Variants in ZNF560 observed in about 807,000 individuals in gnomAD.
ZNF560 encodes zinc finger protein 560.
Under a neutral mutation model 81.8 loss-of-function variants are expected in ZNF560, and 54 were observed. The ratio of observed to expected loss-of-function variants is 0.66; its 90% CI spans 0.53 to 0.83. The LOEUF (loss-of-function observed/expected upper bound fraction) is 0.83. Ranked by LOEUF, ZNF560 falls within the 40% of genes least tolerant of loss-of-function variation. The probability of loss-of-function intolerance (pLI) is 0.00; values close to 1 mark genes in which losing one functional copy is unlikely to be tolerated. For synonymous variants in ZNF560, 321 were observed against 317.9 expected (o/e 1.01, Z -0.10); for missense variants, 940 against 932.4 (o/e 1.01, Z -0.11).
At chr19:9,468,803 C>T (rs1023170952) in intron 9 of ZNF560, among the ~76,000 whole-genome samples, 18 of 149,500 alleles carry the variant, frequency 1.2e-4, no homozygotes, top group African/African-American at 3.7e-4. Flanking sequence ...GATCTCAGCT[C>T]ACTGCAACCT....
the ZNF560 span, among the ~76,000 whole-genome samples, chr19:9,455,803 A>T: frequency 6.6e-6 from 1 of 152,172 alleles, no homozygotes; most frequent in African/African-American, 2.4e-5. Flanking sequence ...ATTGGAGGTA[A>T]TCTGCATAAA....
At chr19:9,458,883 CAT>C in the ZNF560 span, among the ~76,000 whole-genome samples, 8 of 152,358 alleles carry the variant, frequency 5.3e-5, no homozygotes, top group East Asian at 1.9e-4. Context: ...GGATGTCACA[CAT>C]GTTCCCTCGT....
intron 4 of ZNF560, 34 bp downstream of exon 4, chr19:9,474,165 C>A (rs2073164019): frequency 1.2e-6 from 2 of 1,613,198 alleles, no homozygotes; most frequent in African/African-American, 1.3e-5. Context: ...ATATCTCTTC[C>A]CTAAGAGGCT....
At chr19:9,495,416 C>T (rs2073542034) in intron 2 of ZNF560, among the ~76,000 whole-genome samples, 1 of 152,074 alleles carries the variant, frequency 6.6e-6, no homozygotes, top group South Asian at 2.1e-4. Context: ...AAACACTACA[C>T]TTCTGGCCAG....
chr19:9,473,280 C>A, intron 4 of ZNF560, 21 bp from the exon 5 acceptor site: 1 of 1,586,246 alleles, frequency 6.3e-7, no homozygotes, highest in Non-Finnish European at 8.6e-7. Context: ...AGAAATGATA[C>A]ATTAATGGAA....
chr19:9,496,933 T>C (rs1295154159), intron 2 of ZNF560, among the ~76,000 whole-genome samples: 1 of 148,638 alleles, frequency 6.7e-6, no homozygotes, highest in Non-Finnish European at 1.5e-5. Flanking sequence ...AGACTGTGTC[T>C]CAAAAAAAAA....
At chr19:9,476,085 A>C (rs1432449701) in intron 2 of ZNF560, among the ~76,000 whole-genome samples, 1 of 152,150 alleles carries the variant, frequency 6.6e-6, no homozygotes, top group Non-Finnish European at 1.5e-5. Flanking sequence ...GTGAATACTA[A>C]GGCCTAGAGC....
chr19:9,491,103 A>G (rs1356921953), intron 2 of ZNF560, among the ~76,000 whole-genome samples: 1 of 152,014 alleles, frequency 6.6e-6, no homozygotes, highest in Non-Finnish European at 1.5e-5. Flanking sequence ...CAGCTAAATA[A>G]ACAAAGTTGG....
chr19:9,458,145 TG>T, the ZNF560 span, among the ~76,000 whole-genome samples: 1 of 152,234 alleles, frequency 6.6e-6, no homozygotes, highest in Non-Finnish European at 1.5e-5. Context: ...GATATGATCC[TG>T]GAAAAATTAT....
the ZNF560 span, among the ~76,000 whole-genome samples, chr19:9,506,357 A>G: frequency 5.9e-5 from 9 of 151,414 alleles, no homozygotes; most frequent in African/African-American, 1.9e-4. Context: ...TTGAATTTGT[A>G]CCTACTTAAC....
chr19:9,460,345 T>C, the ZNF560 span, among the ~76,000 whole-genome samples: 1 of 152,188 alleles, frequency 6.6e-6, no homozygotes, highest in African/African-American at 2.4e-5. Context: ...TCACAGTGAG[T>C]AATTTTATGA....
At chr19:9,474,359 G>A in intron 3 of ZNF560, 34 bp from the exon 4 acceptor site, 1 of 1,585,570 alleles carries the variant, frequency 6.3e-7, no homozygotes, top group East Asian at 2.2e-5. Context: ...TTTGAGCCAA[G>A]TAACAGATTA....
chr19:9,476,217 A>G (rs1167160171), intron 2 of ZNF560, among the ~76,000 whole-genome samples: 1 of 152,068 alleles, frequency 6.6e-6, no homozygotes, highest in African/African-American at 2.4e-5. Flanking sequence ...AGGTGATTGG[A>G]TCATGGGGGC....
At chr19:9,449,525 C>G in the ZNF560 span, among the ~76,000 whole-genome samples, 37 of 152,024 alleles carry the variant, frequency 2.4e-4, no homozygotes, top group Non-Finnish European at 5.9e-5. Flanking sequence ...GTTTAGAGTG[C>G]TAAAACACCT....
In ZNF560 at chr19:9,474,737, C is replaced by T. The variant is rs896022885; in HGVS notation, c.31-412G>A. ...GCAGTGGTGTGATCATGGCTCACTG[C>T]AGCCTTGACTTACTGGGCTCAAGTG... is the stretch of plus-strand genomic sequence containing the variant. On this transcript the variant is annotated intron_variant, in intron 3 of 9. Transcript: ENST00000301480. Among the ~76,000 whole-genome samples the T allele has an allele frequency of 3.3e-5, 5 of 151,690 alleles. No individual in the cohort carries two copies. The East Asian group carries it at 9.7e-4, about 29-fold the overall frequency.
In ZNF560 at chr19:9,467,526, C is replaced by T. The variant is rs1455414207; in HGVS notation, c.1421G>A (p.Gly474Asp). The change falls in exon 10 of 10, where the codon GGT (glycine) becomes GAT (aspartate). Residue 474 changes from glycine (G) to aspartate (D), a missense_variant. Gly to Asp is a moderately conservative substitution (Grantham distance 94). Transcript: ENST00000301480. ...EYGKAFGTSS[G>D]VIEDRRSNTG... ...GTTACTTCTTCTATCTTCAATAACACCTGAGGATGTACCAAAGGCCTTCCC... is the reference window on the plus strand; with the variant it reads ...GTTACTTCTTCTATCTTCAATAACATCTGAGGATGTACCAAAGGCCTTCCC... 1.2e-6 allele frequency: 2 copies of T among 1,613,886 alleles called. No individual in the cohort carries two copies. The highest frequency in any genetic ancestry group is 1.7e-6 in the Non-Finnish European group (2 of 1,180,000).
chr19:9,477,202 T>C (rs1033498535), intron 2 of ZNF560, among the ~76,000 whole-genome samples: 1 of 152,170 alleles, frequency 6.6e-6, no homozygotes, highest in African/African-American at 2.4e-5. Context: ...CACATACATA[T>C]GTGCATATAC....
At chr19:9,462,185 G>A (rs886737389), downstream of ZNF560, among the ~76,000 whole-genome samples, 1 of 152,210 alleles carries the variant, frequency 6.6e-6, no homozygotes, top group African/African-American at 2.4e-5. Context: ...CAAGATCTCT[G>A]CAGCACTGTG....
chr19:9,475,489 A>G, intron 2 of ZNF560, 120 bp from the exon 3 acceptor site: 1 of 607,262 alleles, frequency 1.6e-6, no homozygotes, highest in East Asian at 2.8e-5. Flanking sequence ...TCACATAAAT[A>G]TACATTACAT....
Sources: gnomAD v4.1 joint callset for allele counts (sites outside exome capture counted in the v4.1 genomes callset) on GRCh38, gnomAD v4.1.1 for gene constraint, MANE v1.5 for transcripts, NCBI Gene and HGNC (gene_info 2026-07-23, HGNC 2026-07-21) for gene names.